The following NDUFAF6 variants were observed in gnomAD, a reference collection of about 807,000 sequenced individuals.
NDUFAF6 encodes the protein NADH dehydrogenase (ubiquinone) complex I, assembly factor 6.
NDUFAF6 carries 45 observed loss-of-function variants against 40.8 expected under a neutral mutation model. The observed-to-expected ratio is 1.10, with a 90% CI of 0.87 to 1.42. NDUFAF6 has a LOEUF of 1.42. Ranked by LOEUF, NDUFAF6 falls within the 40% of genes most tolerant of loss-of-function variation. The pLI, the probability that NDUFAF6 is intolerant of heterozygous loss-of-function variation, is 0.00. For missense variants in NDUFAF6, 435 were observed against 418.5 expected, an observed-to-expected ratio of 1.04 and a Z score of -0.34; for synonymous variants, 185 against 155.9, an observed-to-expected ratio of 1.19 and a Z score of -1.39.
chr8:94,967,423 A>C (rs1824094176), intron 1 of NDUFAF6, among the ~76,000 whole-genome samples: 1 of 152,338 alleles, frequency 6.6e-6, no homozygotes, highest in Middle Eastern at 3.4e-3. Flanking sequence ...AAATTCATTT[A>C]TTCATTCCAA....
chr8:94,903,185 C>T (rs1818139654), intron 1 of NDUFAF6, among the ~76,000 whole-genome samples: 2 of 151,934 alleles, frequency 1.3e-5, no homozygotes, highest in Non-Finnish European at 2.9e-5. Flanking sequence ...CCCTGGGCAA[C>T]CCTGGCTCCA....
intron 1 of NDUFAF6, among the ~76,000 whole-genome samples, chr8:94,900,470 AGGGCCCTTAAAAAGGAAG>A (rs1272180494): frequency 2.6e-5 from 4 of 152,000 alleles, no homozygotes; most frequent in Admixed American, 1.3e-4. Context: ...CCTCAGAGGG[AGGGCCCTTAAAAAGGAAG>A]GCATTGTAGA....
intron 1 of NDUFAF6, chr8:94,932,152 A>G: frequency 6.3e-7 from 1 of 1,581,386 alleles, no homozygotes; most frequent in South Asian, 1.1e-5. Flanking sequence ...AGTAAGATTT[A>G]AAATGCTATT....
chr8:94,961,634 A>G (rs1823585056), intron 1 of NDUFAF6, among the ~76,000 whole-genome samples: 1 of 152,150 alleles, frequency 6.6e-6, no homozygotes, highest in South Asian at 2.1e-4. Flanking sequence ...CATATTGGCC[A>G]GGCTGGTCTC....
At chr8:95,080,481 TGTAGTGATTTTTG>T (rs1369792966), downstream of NDUFAF6, among the ~76,000 whole-genome samples, 10 of 139,902 alleles carry the variant, frequency 7.1e-5, no homozygotes, top group Middle Eastern at 3.9e-3. Context: ...AGTGTATTTT[TGTAGTGATTTTTG>T]GTAGTGATTT....
At chr8:95,011,116 T>A (rs1284421256) in intron 2 of NDUFAF6, among the ~76,000 whole-genome samples, 1 of 152,196 alleles carries the variant, frequency 6.6e-6, no homozygotes, top group African/African-American at 2.4e-5. Flanking sequence ...CGGGAGGCTG[T>A]CACCAGCCAC....
intron 1 of NDUFAF6, among the ~76,000 whole-genome samples, chr8:94,940,562 T>C (rs1373189411): frequency 6.6e-6 from 1 of 152,156 alleles, no homozygotes; most frequent in Non-Finnish European, 1.5e-5. Flanking sequence ...GACATATTGG[T>C]TACTACTTGT....
intron 5 of NDUFAF6, among the ~76,000 whole-genome samples, 158 bp from the exon 6 acceptor site, chr8:95,046,836 G>A (rs1830823207): frequency 6.6e-6 from 1 of 152,170 alleles, no homozygotes; most frequent in Admixed American, 6.5e-5. Context: ...TGGTCAACTT[G>A]TTATTGTGCC....
At chr8:95,083,817 A>C (rs1040809387) in intron 2 of NDUFAF6, among the ~76,000 whole-genome samples, 7 of 152,244 alleles carry the variant, frequency 4.6e-5, no homozygotes, top group Non-Finnish European at 8.8e-5. Context: ...TCTAATGGAG[A>C]CAAAGTCCCA....
intron 1 of NDUFAF6, among the ~76,000 whole-genome samples, chr8:94,934,030 T>C (rs1170016322): frequency 2.0e-5 from 3 of 151,662 alleles, no homozygotes; most frequent in East Asian, 1.9e-4. Flanking sequence ...TGAGCCAAGA[T>C]TGCAACATTG....
intron 1 of NDUFAF6, among the ~76,000 whole-genome samples, chr8:94,922,972 AT>A (rs959368088): frequency 1.3e-5 from 2 of 151,614 alleles, no homozygotes; most frequent in Admixed American, 6.6e-5. Context: ...CACAAGAGTC[AT>A]TTTTTTTTCC....
chr8:94,935,104 T>G (rs1280866164), intron 1 of NDUFAF6, among the ~76,000 whole-genome samples: 1 of 148,810 alleles, frequency 6.7e-6, no homozygotes, highest in Non-Finnish European at 1.5e-5. Flanking sequence ...GGTAGGTAGG[T>G]AGGTAGGTAC....
chr8:95,078,665 A>ATATG (rs1808716254), downstream of NDUFAF6: 1 of 81,346 alleles, frequency 1.2e-5, no homozygotes. Flanking sequence ...AAAAAAAAAT[A>ATATG]TATATATATA....
chr8:95,001,590 T>C (rs1327936229), intron 2 of NDUFAF6, among the ~76,000 whole-genome samples: 1 of 152,238 alleles, frequency 6.6e-6, no homozygotes, highest in African/African-American at 2.4e-5. Flanking sequence ...GATTATATCA[T>C]CACTTTTGGT....
Position 95,036,457 on chromosome 8 carries a change from C to A in NDUFAF6, c.420+881C>A, listed in dbSNP as rs1007431018. On this transcript the variant is annotated intron_variant, in intron 3 of 8. Transcript: ENST00000396124. ...AGTAAAGATGGAAAGCCAGAACCCCCCAACTGGGGATTGAGAAGAAAAAGT... is the reference window on the plus strand; with the variant it reads ...AGTAAAGATGGAAAGCCAGAACCCCACAACTGGGGATTGAGAAGAAAAAGT... The A allele has an allele frequency of 3.9e-6, 5 of 1,289,304 alleles. No individual in the cohort carries two copies. In the African/African-American group the frequency reaches 7.6e-5, roughly 20 times the overall value. 79.9% of individuals were successfully genotyped at this position (1,289,304 alleles called of 1,614,324 possible).
intron 1 of NDUFAF6, among the ~76,000 whole-genome samples, chr8:94,971,421 T>C (rs1824451328): frequency 6.6e-6 from 1 of 152,180 alleles, no homozygotes; most frequent in Non-Finnish European, 1.5e-5. Context: ...GCCCAGCCTC[T>C]GCTCAGAACC....
chr8:95,058,640 A>C lies in NDUFAF6; in HGVS notation c.*703A>C, dbSNP rs1432520696. ...TTATCATGATCGTGAACAAAATTGT[A>C]CTGAGAAAGTTTGTATAAGTGATAT... On this transcript the variant is annotated 3_prime_UTR_variant, in exon 9 of 9. Coordinates refer to ENST00000396124, the MANE Select transcript of NDUFAF6 (RefSeq NM_152416.4). 1.8e-6 allele frequency: 2 copies of C among 1,105,194 alleles called. No homozygotes were observed. Among genetic ancestry groups the C allele is most frequent in the Non-Finnish European group, 2.2e-6 (2 of 908,626 alleles). The allele number at this position is 1,105,194 out of a possible 1,614,324, so 68.5% of individuals were successfully genotyped here. A position where few individuals can be genotyped will look rare whatever the true frequency, so the allele number is the denominator to read the frequency against.
At chr8:94,955,026 G>A (rs1822957233), upstream of NDUFAF6, among the ~76,000 whole-genome samples, 1 of 152,192 alleles carries the variant, frequency 6.6e-6, no homozygotes. Flanking sequence ...TAATTATGGA[G>A]TTCCTGCTCT....
intron 1 of NDUFAF6, among the ~76,000 whole-genome samples, chr8:94,977,986 G>A (rs991204090): frequency 3.3e-5 from 5 of 152,086 alleles, no homozygotes; most frequent in African/African-American, 7.2e-5. Context: ...TAGGTACATC[G>A]TTTGTTCTAA....
Sources: gnomAD v4.1 joint callset for allele counts (sites outside exome capture counted in the v4.1 genomes callset) on GRCh38, gnomAD v4.1.1 for gene constraint, MANE v1.5 for transcripts, NCBI Gene and HGNC (gene_info 2026-07-23, HGNC 2026-07-21) for gene names.